SRCAP: variants seen among roughly 807,000 people sequenced by gnomAD.
SRCAP encodes the protein Snf2 related CREBBP activator protein, also known as chromatin remodeling protein SRCAP.
A neutral mutation model predicts 263.1 loss-of-function variants in SRCAP; 46 were observed. That is an observed-to-expected ratio of 0.17 (90% CI 0.14 to 0.22). The LOEUF (loss-of-function observed/expected upper bound fraction) is 0.22. SRCAP is among the 10% of genes least tolerant of loss of function. The pLI is 1.00. For missense variants in SRCAP, 3,695 were observed against 4,181.9 expected (o/e 0.88, Z 3.21); for synonymous variants, 1,813 against 1,662.1 (o/e 1.09, Z -2.21).
chr16:30,715,490 G>C (rs963402436), intron 16 of SRCAP, among the ~76,000 whole-genome samples: 3 of 151,928 alleles, frequency 2.0e-5, no homozygotes, highest in Non-Finnish European at 2.9e-5. Flanking sequence ...GCATGAACCC[G>C]GGAGGCAGAG....
chr16:30,739,605 C>A lies in SRCAP; in HGVS notation c.9565C>A (p.Arg3189=). Residue 3189 remains arginine, a synonymous_variant, in exon 34 of 34, where the codon CGA becomes AGA. Transcript: ENST00000262518. ...GGAGGAAGGGGATGGGACCCCACGC[C>A]GACGTCCTGGCCCCCGCCGGCTTGT... ...EEEEGDGTPR[R]RPGPRRLVGT... 3 of 1,594,658 alleles carry A rather than the reference C, an allele frequency of 1.9e-6. No homozygotes were observed. The highest frequency in any genetic ancestry group is 2.6e-6 in the Non-Finnish European group (3 of 1,171,508).
chr16:30,706,186 C>T (rs553101837), intron 4 of SRCAP, among the ~76,000 whole-genome samples: 3 of 152,220 alleles, frequency 2.0e-5, no homozygotes, highest in Admixed American at 6.5e-5. Flanking sequence ...AGGCTGGGTG[C>T]GGTGGTTTTC....
chr16:30,731,102 C>T (rs1406960582), intron 27 of SRCAP, among the ~76,000 whole-genome samples: 1 of 152,142 alleles, frequency 6.6e-6, no homozygotes, highest in Non-Finnish European at 1.5e-5. Flanking sequence ...ATCCTCTAAA[C>T]AAGAAACAAG....
rs202233790 is a variant in SRCAP, at chr16:30,722,577, C to T, written c.3721C>T (p.Leu1241Phe). 24 of 1,613,922 alleles carry T rather than the reference C, an allele frequency of 1.5e-5. No individual in the cohort carries two copies. The highest frequency in any genetic ancestry group is 1.9e-5 in the Non-Finnish European group (23 of 1,179,982). The change falls in exon 23 of 34, where the codon CTC becomes TTC. Residue 1241 changes from leucine (L) to phenylalanine (F), a missense_variant. Coordinates refer to ENST00000262518, the MANE Select transcript of SRCAP (RefSeq NM_006662.3). ...PRPLQRNVVH[L>F]VSAGGQHHLI... is the part of the protein sequence containing the mutation. ...CCTTAACCCAGGGAATGTGGTGCAC[C>T]TCGTGTCAGCAGGGGGGCAGCACCA...
rs2053036991 is a variant in SRCAP at position 30,723,965 on chromosome 16, C to T, written c.4541C>T (p.Ser1514Phe). ...ACTCTAGGTTTGGCCACAGCTCCAT[C>T]CCTGTCTTCATCTCAGACACCTGGT... is the stretch of plus-strand genomic sequence containing the variant. ...ALTLGLATAP[S>F]LSSSQTPGHP... The change falls in exon 25 of 34, where the codon TCC becomes TTC. Residue 1514 changes from serine to phenylalanine, a missense_variant. Ser to Phe is a radical substitution (Grantham distance 155, BLOSUM62 -2). This residue lies in a region of SRCAP where 1,347 missense variants were observed against 1,304.4 expected (regional missense o/e 1.03). Coordinates refer to ENST00000262518, the MANE Select transcript of SRCAP (RefSeq NM_006662.3). 1.2e-6 allele frequency: 2 copies of T among 1,614,198 alleles called. No homozygotes were observed. Among genetic ancestry groups the T allele is most frequent in the Non-Finnish European group, 1.7e-6 (2 of 1,180,038 alleles).
In SRCAP at chr16:30,737,457, C is replaced by G. The variant is rs367996537; in HGVS notation, c.7417C>G (p.Pro2473Ala). The G allele has an allele frequency of 1.3e-6, 2 of 1,591,108 alleles. No homozygotes were observed. Among genetic ancestry groups the G allele is most frequent in the Non-Finnish European group, 1.7e-6 (2 of 1,165,168 alleles). ...CCCAGTACCCATTTCAGCCCCAAAT[C>G]CAATAACCATTCTCCCTGTCCATAT... ...SAPVPISAPNPITILPVHILP... is the reference protein window; with the variant it reads ...SAPVPISAPNAITILPVHILP... Residue 2473 changes from proline to alanine, a missense_variant, in exon 34 of 34, where the codon CCA becomes GCA. Physicochemically the swap from Pro to Ala is conservative, Grantham distance 27. Coordinates refer to ENST00000262518, the MANE Select transcript of SRCAP (RefSeq NM_006662.3).
chr16:30,735,475 T>C (rs1389478730), intron 31 of SRCAP, among the ~76,000 whole-genome samples: 1 of 151,602 alleles, frequency 6.6e-6, no homozygotes, highest in Non-Finnish European at 1.5e-5. Context: ...CACCTCACCA[T>C]CTAATCCTCA....
chr16:30,734,386 G>T (rs756598162), intron 30 of SRCAP, 110 bp from the exon 31 acceptor site: 13 of 1,493,530 alleles, frequency 8.7e-6, no homozygotes, highest in South Asian at 1.3e-5. Flanking sequence ...ACAGACGTGC[G>T]TCTTCAACCA....
rs1293923284 is a variant in SRCAP at position 30,740,113 on chromosome 16, T to C, written c.*380T>C. On this transcript the variant is annotated 3_prime_UTR_variant, in exon 34 of 34. Coordinates refer to ENST00000262518, the MANE Select transcript of SRCAP (RefSeq NM_006662.3). ...TTTTAAGAAGAAAAAATAATAAACT[T>C]AGTTTCTGTATGAGCATCCGCGTAA... 6.2e-6 allele frequency: 1 copy of C among 160,798 alleles called. No individual in the cohort carries two copies. The highest frequency in any genetic ancestry group is 1.3e-5 in the Non-Finnish European group (1 of 74,276). 10.0% of individuals were successfully genotyped at this position (160,798 alleles called of 1,614,324 possible).
At chr16:30,714,431 G>T (rs572880941) in intron 16 of SRCAP, among the ~76,000 whole-genome samples, 1 of 147,956 alleles carries the variant, frequency 6.8e-6, no homozygotes, top group African/African-American at 2.5e-5. Context: ...GGATGGTCTC[G>T]ATCTCCTGAC....
At position 30,733,541 on chromosome 16, in the gene SRCAP, C is replaced by CT; in HGVS notation, c.6298-58dup. 1 of 1,604,280 alleles carries CT rather than the reference C, an allele frequency of 6.2e-7. No individual in the cohort carries two copies. Among genetic ancestry groups the CT allele is most frequent in the Non-Finnish European group, 8.5e-7 (1 of 1,173,864 alleles). ...GCTTCCAGACGGGGTGCCACTAAGC[C>CT]TTTAGACCTGTTTTGGGGGATAAGT... On this transcript the variant is annotated intron_variant, in intron 28 of 33. Coordinates refer to ENST00000262518, the MANE Select transcript of SRCAP (RefSeq NM_006662.3). This position sits in a 1 kb window ranked among gnomAD's most constrained non-coding sequence, Gnocchi z 5.3.
intron 27 of SRCAP, among the ~76,000 whole-genome samples, chr16:30,732,709 G>A (rs1234096384): frequency 6.6e-6 from 1 of 152,150 alleles, no homozygotes; most frequent in Admixed American, 6.5e-5. Flanking sequence ...AAAGCATTGG[G>A]GATTCTGTTT....
rs754197262 is a variant in SRCAP, at chr16:30,724,631, C to T, written c.5207C>T (p.Pro1736Leu). 23 of 1,614,082 alleles carry T rather than the reference C, an allele frequency of 1.4e-5. No individual in the cohort carries two copies. Among genetic ancestry groups the T allele is most frequent in the Non-Finnish European group, 1.1e-5 (13 of 1,180,042 alleles). Residue 1736 changes from proline (P) to leucine (L), a missense_variant, in exon 25 of 34, where the codon CCA (proline) becomes CTA (leucine). By Grantham distance (98) the Pro-to-Leu change is moderately conservative. Coordinates refer to ENST00000262518, the MANE Select transcript of SRCAP (RefSeq NM_006662.3). ...CCAGCCCAGACACTGTCTTTGGCAC[C>T]AGGACCACCACTGGGTCCAACTCAG... is the stretch of plus-strand genomic sequence containing the variant. ...PTPAQTLSLA[P>L]GPPLGPTQTL...
At chr16:30,704,443 A>G (rs1368921549) in intron 4 of SRCAP, 128 bp downstream of exon 4, 2 of 1,194,058 alleles carry the variant, frequency 1.7e-6, no homozygotes, top group Non-Finnish European at 2.3e-6. Context: ...GCCTTAATGT[A>G]TATGATCGTG....
At chr16:30,721,509 G>C in intron 21 of SRCAP, 33 bp downstream of exon 21, 1 of 1,596,006 alleles carries the variant, frequency 6.3e-7, no homozygotes, top group Non-Finnish European at 8.5e-7. Context: ...TGAGGGACTT[G>C]AGATGGGAGG....
chr16:30,704,422 G>A, intron 4 of SRCAP, 107 bp downstream of exon 4: 2 of 1,396,972 alleles, frequency 1.4e-6, no homozygotes, highest in Non-Finnish European at 1.9e-6. Flanking sequence ...TGGATTTAGG[G>A]TATAGGTTCT....
intron 10 of SRCAP, 101 bp from the exon 11 acceptor site, chr16:30,711,470 A>G (rs1298980988): frequency 8.0e-7 from 1 of 1,247,822 alleles, no homozygotes; most frequent in Admixed American, 2.6e-5. Flanking sequence ...ACCTGGGCCT[A>G]GCAGTATCTA....
At position 30,739,482 on chromosome 16, in the gene SRCAP, A is replaced by G; in HGVS notation, c.9442A>G (p.Ser3148Gly). ...ACGAGCAGGGGCCCCAGTTGGTGGG[A>G]GTCCTGGGCTGGCAAAGCGGGGCCG... ...RKRAGAPVGG[S>G]PGLAKRGRLQ... Residue 3148 changes from serine (S) to glycine (G), a missense_variant, in exon 34 of 34, where the codon AGT (serine) becomes GGT (glycine). Around this residue, in one of 12 missense-constraint regions of SRCAP, gnomAD observed 1,207 missense variants for 1,142.9 expected, o/e 1.06. Coordinates refer to ENST00000262518, the MANE Select transcript of SRCAP (RefSeq NM_006662.3). The G allele has an allele frequency of 6.2e-7, 1 of 1,613,954 alleles. No individual in the cohort carries two copies. The highest frequency in any genetic ancestry group is 8.5e-7 in the Non-Finnish European group (1 of 1,179,956).
At chr16:30,717,182 G>A (rs1182128693) in intron 18 of SRCAP, among the ~76,000 whole-genome samples, 2 of 151,936 alleles carry the variant, frequency 1.3e-5, no homozygotes, top group African/African-American at 4.8e-5. Context: ...GTTTTGGTTT[G>A]CATTTCCTTA....
Sources: allele counts gnomAD v4.1 joint callset (sites outside exome capture counted in the v4.1 genomes callset), GRCh38; gene constraint gnomAD v4.1.1; regional missense constraint gnomAD v4.1.1; non-coding constraint Gnocchi (gnomAD v3.1); transcripts MANE v1.5; gene names NCBI Gene and HGNC (gene_info 2026-07-23, HGNC 2026-07-21).